The following MYO19 variants were observed in gnomAD, a reference collection of about 807,000 sequenced individuals.
The protein encoded by MYO19 is unconventional myosin-XIX.
Under a neutral mutation model 129.2 loss-of-function variants are expected in MYO19, and 132 were observed. That is an observed-to-expected ratio of 1.02 (90% confidence interval 0.89 to 1.18). MYO19 has a LOEUF of 1.18. Ranked by LOEUF, MYO19 falls within the 50% of genes most tolerant of loss-of-function variation. The pLI is 0.00. For missense variants in MYO19, 1,210 were observed against 1,216.7 expected (o/e 0.99, Z 0.08); for synonymous variants, 531 against 477.2 (o/e 1.11, Z -1.47).
chr17:36,504,490 G>A (rs2071745610), intron 19 of MYO19: 2 of 157,270 alleles, frequency 1.3e-5, no homozygotes, highest in African/African-American at 4.8e-5. Context: ...CTACAAACCG[G>A]AAGGCCACAT....
chr17:36,503,922 G>T, intron 20 of MYO19, 28 bp downstream of exon 20: 2 of 1,560,014 alleles, frequency 1.3e-6, no homozygotes, highest in Non-Finnish European at 1.7e-6. Context: ...TACTGGCCCT[G>T]CACTGTGCCG....
chr17:36,506,990 G>A lies in MYO19; in HGVS notation c.1617C>T (p.His539=), dbSNP rs774156253. Residue 539 remains histidine (H), a synonymous_variant, in exon 17 of 26, where the codon CAC becomes CAT. Coordinates refer to ENST00000614623, the MANE Select transcript of MYO19 (RefSeq NM_001163735.2). ...VVHYAGPVRY[H]TAGLVEKNKD... Reference sequence around the variant, plus strand: ...TGTTCTTCTCCACCAGGCCTGCTGTGTGGTACCGCACAGGCCCCGCATAAT... The same window carrying A: ...TGTTCTTCTCCACCAGGCCTGCTGTATGGTACCGCACAGGCCCCGCATAAT... The A allele has an allele frequency of 3.7e-6, 6 of 1,606,012 alleles. No individual in the cohort carries two copies. In the African/African-American group the frequency reaches 4.0e-5, roughly 11 times the overall value.
At chr17:36,537,436 TC>T, upstream of MYO19, 1 of 1,614,176 alleles carries the variant, frequency 6.2e-7, no homozygotes, top group Non-Finnish European at 8.5e-7. Context: ...TTCCTAAAAA[TC>T]CTTGAAAAAT....
At chr17:36,543,927 C>A (rs1487990245), upstream of MYO19, among the ~76,000 whole-genome samples, 3 of 152,140 alleles carry the variant, frequency 2.0e-5, no homozygotes, top group African/African-American at 7.2e-5. Flanking sequence ...ATGCCCGACC[C>A]AAAATACTTT....
intron 24 of MYO19, chr17:36,498,780 A>G (rs771112063): frequency 7.8e-5 from 47 of 601,436 alleles, no homozygotes; most frequent in South Asian, 2.5e-4. Context: ...TGAAAACAAG[A>G]TAAGAGTCCA....
intron 14 of MYO19, 106 bp from the exon 15 acceptor site, chr17:36,508,030 G>A: frequency 1.6e-6 from 2 of 1,250,474 alleles, no homozygotes; most frequent in Non-Finnish European, 2.1e-6. Flanking sequence ...CTTATACTTG[G>A]CAGCCTGGGC....
intron 3 of MYO19, among the ~76,000 whole-genome samples, chr17:36,531,033 G>A (rs2073803153): frequency 6.6e-6 from 1 of 152,078 alleles, no homozygotes. Flanking sequence ...TCAGGAGTTT[G>A]AGACCAGCCT....
chr17:36,540,375 T>G (rs1268148914), intron 2 of MYO19, among the ~76,000 whole-genome samples: 1 of 149,466 alleles, frequency 6.7e-6, no homozygotes, highest in East Asian at 2.0e-4. Context: ...CTACTGTCTT[T>G]TTTTTTTTTT....
intron 15 of MYO19, 89 bp downstream of exon 15, chr17:36,507,714 C>T: frequency 1.4e-6 from 2 of 1,444,244 alleles, no homozygotes; most frequent in Non-Finnish European, 1.8e-6. Context: ...CAAAAGGCTT[C>T]TAATCAGAAC....
rs1253403179 is a variant in MYO19, at chr17:36,532,531, T to C, written c.8A>G (p.Gln3Arg). Reference sequence around the variant, plus strand: ...TATCTAAGGTTGAGGTTTTACCTGCTGGAGCATCCTCCTTCAAAGTGGTCA... The same window carrying C: ...TATCTAAGGTTGAGGTTTTACCTGCCGGAGCATCCTCCTTCAAAGTGGTCA... ML[Q>R]QVNGHNPGSD... Residue 3 changes from glutamine (Q) to arginine (R), a missense_variant, in exon 3 of 26, where the codon CAG becomes CGG. By Grantham distance (43) the Gln-to-Arg change is conservative. Transcript: ENST00000614623. The C allele has an allele frequency of 1.3e-6, 2 of 1,554,984 alleles. No individual in the cohort carries two copies. The highest frequency in any genetic ancestry group is 1.7e-6 in the Non-Finnish European group (2 of 1,148,760).
chr17:36,528,304 C>T (rs975233765), intron 3 of MYO19, 102 bp from the exon 4 acceptor site: 29 of 1,254,652 alleles, frequency 2.3e-5, no homozygotes, highest in African/African-American at 1.2e-4. Context: ...GTGAGGAGAT[C>T]GAGACCATCC....
At chr17:36,499,859 G>A (rs1187973041) in intron 23 of MYO19, 2 of 115,618 alleles carry the variant, frequency 1.7e-5, no homozygotes, top group Non-Finnish European at 4.0e-5. Context: ...ATTATGTTTT[G>A]TTGTTTTTTT....
upstream of MYO19, chr17:36,537,073 C>T (rs1410883176): frequency 1.3e-6 from 2 of 1,545,696 alleles, no homozygotes; most frequent in Non-Finnish European, 8.7e-7. Flanking sequence ...CAAATCCATT[C>T]CTTTGCTCTT....
chr17:36,528,041 C>A, intron 4 of MYO19, 23 bp downstream of exon 4: 1 of 1,605,386 alleles, frequency 6.2e-7, no homozygotes, highest in African/African-American at 1.3e-5. Flanking sequence ...AGATGATACT[C>A]CTGAGGAATG....
upstream of MYO19, chr17:36,537,586 A>G (rs757111382): frequency 1.5e-5 from 24 of 1,614,098 alleles, no homozygotes; most frequent in Non-Finnish European, 2.0e-5. Context: ...ACTGAGCTCT[A>G]TGGGACAGGA....
upstream of MYO19, among the ~76,000 whole-genome samples, chr17:36,536,939 A>G (rs2074147242): frequency 6.6e-6 from 1 of 152,212 alleles, no homozygotes; most frequent in Admixed American, 6.5e-5. Flanking sequence ...TCTTCCCACA[A>G]TCCTTGGAAG....
At chr17:36,536,677 G>A (rs537620330), upstream of MYO19, among the ~76,000 whole-genome samples, 1 of 152,072 alleles carries the variant, frequency 6.6e-6, no homozygotes, top group African/African-American at 2.4e-5. Context: ...ATCACGCCTG[G>A]CTAATTTTTG....
Position 36,528,148 on chromosome 17 carries a change from C to T in MYO19, c.67G>A (p.Asp23Asn). Residue 23 changes from aspartate to asparagine, a missense_variant, in exon 4 of 26, where the codon GAC becomes AAC. Physicochemically the swap from Asp to Asn is conservative, Grantham distance 23. Coordinates refer to ENST00000614623, the MANE Select transcript of MYO19 (RefSeq NM_001163735.2). ...DGQAREYLREDLQEFLGGEVL... is the reference protein window; with the variant it reads ...DGQAREYLRENLQEFLGGEVL... Reference sequence around the variant, plus strand: ...TCCCCACCCAGGAACTCCTGCAGGTCTTCTCTGAGGTACTCCCTGGCTTGG... The same window carrying T: ...TCCCCACCCAGGAACTCCTGCAGGTTTTCTCTGAGGTACTCCCTGGCTTGG... 6.2e-7 allele frequency: 1 copy of T among 1,611,602 alleles called. No homozygotes were observed. The highest frequency in any genetic ancestry group is 8.5e-7 in the Non-Finnish European group (1 of 1,178,908).
intron 6 of MYO19, among the ~76,000 whole-genome samples, chr17:36,518,471 G>T (rs1238030166): frequency 8.9e-6 from 1 of 112,532 alleles, no homozygotes; most frequent in Non-Finnish European, 1.6e-5. Flanking sequence ...CTCCAGCCTG[G>T]GCCAGAGGAT....
Sources: allele counts gnomAD v4.1 joint callset (sites outside exome capture counted in the v4.1 genomes callset), GRCh38; gene constraint gnomAD v4.1.1; transcripts MANE v1.5; gene names NCBI Gene and HGNC (gene_info 2026-07-23, HGNC 2026-07-21).